Variants in NDST4 observed in about 807,000 individuals in gnomAD.
NDST4 encodes the protein N-deacetylase and N-sulfotransferase 4.
A neutral mutation model predicts 100.8 loss-of-function variants in NDST4; 63 were observed. The observed-to-expected ratio is 0.62, with a 90% CI of 0.51 to 0.77. NDST4 has a LOEUF of 0.77. Ranked by LOEUF, NDST4 falls within the 30% of genes least tolerant of loss-of-function variation. NDST4 has a pLI of 0.00. For synonymous variants in NDST4, 377 were observed against 361.8 expected (o/e 1.04, Z -0.48); for missense variants, 943 against 1,018.4 (o/e 0.93, Z 1.01).
rs975397691 is a variant in NDST4, at chr4:114,992,592, G to T, written c.979-15318C>A. On this transcript the variant is annotated intron_variant, in intron 2 of 13. Transcript: ENST00000264363. Reference sequence around the variant, plus strand: ...TAAAGTTGACCTTTTGTTTCCATGGGTTTCACATCTGCCACAAAACTCAGA... The same window carrying T: ...TAAAGTTGACCTTTTGTTTCCATGGTTTTCACATCTGCCACAAAACTCAGA... 3.3e-5 allele frequency among the ~76,000 whole-genome samples: 5 copies of T among 150,492 alleles called. No homozygotes were observed. In the Admixed American group the frequency reaches 3.3e-4, roughly 10 times the overall value.
intron 6 of NDST4, among the ~76,000 whole-genome samples, chr4:114,905,250 A>G (rs995020301): frequency 3.1e-5 from 4 of 130,710 alleles, no homozygotes; most frequent in African/African-American, 1.2e-4. Context: ...GTTCATTGCT[A>G]ATTGGTGGAA....
intron 6 of NDST4, among the ~76,000 whole-genome samples, chr4:114,883,882 A>G (rs192082815): frequency 1.3e-5 from 2 of 152,218 alleles, no homozygotes; most frequent in South Asian, 2.1e-4. Context: ...TCATGTTCCT[A>G]TGAGAATCTA....
intron 6 of NDST4, among the ~76,000 whole-genome samples, chr4:114,886,471 T>A (rs1724480398): frequency 6.6e-6 from 1 of 152,152 alleles, no homozygotes; most frequent in South Asian, 2.1e-4. Flanking sequence ...AAGTTATTCA[T>A]TATTTTGTGT....
intron 2 of NDST4, among the ~76,000 whole-genome samples, chr4:115,007,079 G>A (rs1578447936): frequency 6.6e-6 from 1 of 152,096 alleles, no homozygotes; most frequent in Non-Finnish European, 1.5e-5. Flanking sequence ...ATGAACTATT[G>A]TAATTCTCCA....
At chr4:115,105,992 A>G (rs1000068863) in intron 1 of NDST4, among the ~76,000 whole-genome samples, 1 of 151,794 alleles carries the variant, frequency 6.6e-6, no homozygotes, top group Non-Finnish European at 1.5e-5. Flanking sequence ...CTTAGTATCT[A>G]TTGATTATTG....
chr4:115,089,429 C>A (rs1002757303), intron 1 of NDST4, among the ~76,000 whole-genome samples: 2 of 151,794 alleles, frequency 1.3e-5, no homozygotes, highest in Admixed American at 6.6e-5. Flanking sequence ...TTGCTTCAAA[C>A]TATAAAATTC....
At chr4:115,023,165 A>G (rs1459792315) in intron 2 of NDST4, among the ~76,000 whole-genome samples, 1 of 152,090 alleles carries the variant, frequency 6.6e-6, no homozygotes, top group African/African-American at 2.4e-5. Context: ...TGGGTGCACC[A>G]AAATCTCACA....
chr4:115,021,184 TAAAG>T lies in NDST4; in HGVS notation c.979-43914_979-43911del, dbSNP rs771804688. On this transcript the variant is annotated intron_variant, in intron 2 of 13. Coordinates refer to ENST00000264363, the MANE Select transcript of NDST4 (RefSeq NM_022569.3). ...AAATGCCCATCAATCAGTGAGTGAA[TAAAG>T]AAACTGTGGTATATATATTCCATAT... Among the ~76,000 whole-genome samples the T allele has an allele frequency of 4.0e-4, 61 of 151,564 alleles. 1 individual carries two copies. Among genetic ancestry groups the T allele is most frequent in the Non-Finnish European group, 7.4e-4 (50 of 67,876 alleles).
At chr4:114,879,664 T>G (rs561942263) in intron 6 of NDST4, among the ~76,000 whole-genome samples, 1 of 152,166 alleles carries the variant, frequency 6.6e-6, no homozygotes, top group Non-Finnish European at 1.5e-5. Flanking sequence ...TGGCACATAA[T>G]AGGTATGCAA....
chr4:114,967,051 T>C (rs1726398866), intron 4 of NDST4, among the ~76,000 whole-genome samples: 1 of 152,112 alleles, frequency 6.6e-6, no homozygotes, highest in Non-Finnish European at 1.5e-5. Flanking sequence ...TGCTATCCTA[T>C]CCTATCTTGA....
intron 2 of NDST4, among the ~76,000 whole-genome samples, chr4:114,991,261 T>C (rs906259089): frequency 1.3e-5 from 2 of 151,948 alleles, no homozygotes; most frequent in Non-Finnish European, 2.9e-5. Flanking sequence ...TAAGACTTTG[T>C]AAAAAATGAA....
intron 1 of NDST4, among the ~76,000 whole-genome samples, chr4:115,090,514 G>A (rs1729496231): frequency 6.6e-6 from 1 of 151,636 alleles, no homozygotes; most frequent in Non-Finnish European, 1.5e-5. Flanking sequence ...TTTTATAACA[G>A]GCCATAAAAC....
chr4:115,027,258 C>A (rs1728006368), intron 2 of NDST4, among the ~76,000 whole-genome samples: 2 of 152,260 alleles, frequency 1.3e-5, no homozygotes, highest in South Asian at 2.1e-4. Context: ...CACACATTCC[C>A]CTTGAACAGG....
At chr4:114,968,909 G>C (rs556244700) in intron 4 of NDST4, among the ~76,000 whole-genome samples, 2 of 152,074 alleles carry the variant, frequency 1.3e-5, no homozygotes, top group African/African-American at 4.8e-5. Flanking sequence ...AAATTGTCAG[G>C]CCTCTCTGCA....
intron 6 of NDST4, among the ~76,000 whole-genome samples, chr4:114,885,585 C>T (rs1353375706): frequency 1.3e-5 from 2 of 151,914 alleles, no homozygotes. Flanking sequence ...ATTTGGTATC[C>T]TTATAGATTT....
At position 115,005,861 on chromosome 4, in the gene NDST4, C is replaced by T. The variant is rs532966604; in HGVS notation, c.979-28587G>A. On this transcript the variant is annotated intron_variant, in intron 2 of 13. Transcript: ENST00000264363. ...CAGCCTGGCCAACATGGTGAAACCT[C>T]GTCTCCACTAAAAATACAAAAATTA... Among the ~76,000 whole-genome samples, 31 of 151,620 alleles carry T rather than the reference C, an allele frequency of 2.0e-4. 2 individuals carry two copies. In the South Asian group the frequency reaches 6.3e-3, roughly 31 times the overall value.
At chr4:115,046,028 C>A (rs1033271560) in intron 2 of NDST4, among the ~76,000 whole-genome samples, 1 of 152,122 alleles carries the variant, frequency 6.6e-6, no homozygotes, top group Admixed American at 6.6e-5. Flanking sequence ...TCACACCTGT[C>A]GCCTTCTCTG....
chr4:115,012,337 T>C (rs1265162962), intron 2 of NDST4, among the ~76,000 whole-genome samples: 2 of 151,986 alleles, frequency 1.3e-5, no homozygotes, highest in African/African-American at 4.8e-5. Flanking sequence ...GGTTATCTGA[T>C]GGGAAATTGA....
At position 114,855,665 on chromosome 4, in the gene NDST4, G is replaced by T. The variant is rs1285328653; in HGVS notation, c.1720-2844C>A. 3.3e-5 allele frequency among the ~76,000 whole-genome samples: 5 copies of T among 152,066 alleles called. No homozygotes were observed. The East Asian group carries it at 5.8e-4, about 18-fold the overall frequency. ...TTTGCATGCCAATACCATGCATTTT[G>T]GTTCCTATAGCTCTGTAGTATAATT... On this transcript the variant is annotated intron_variant, in intron 7 of 13. Transcript: ENST00000264363.
Sources: gnomAD v4.1 joint callset for allele counts (sites outside exome capture counted in the v4.1 genomes callset) on GRCh38, gnomAD v4.1.1 for gene constraint, MANE v1.5 for transcripts, NCBI Gene and HGNC (gene_info 2026-07-23, HGNC 2026-07-21) for gene names.